The following RBM46 variants were observed in gnomAD, a reference collection of about 807,000 sequenced individuals.
The protein encoded by RBM46 is probable RNA-binding protein 46.
Under a neutral mutation model 43.3 loss-of-function variants are expected in RBM46, and 12 were observed. That is an observed-to-expected ratio of 0.28 (90% CI 0.18 to 0.45). RBM46 has a LOEUF of 0.45. RBM46 is among the 20% of genes least tolerant of loss of function. The probability of loss-of-function intolerance (pLI) is 1.00; values close to 1 mark genes in which losing one functional copy is unlikely to be tolerated. For missense variants in RBM46, 412 were observed against 639.1 expected, an observed-to-expected ratio of 0.64 and a Z score of 3.83; for synonymous variants, 205 against 207.6, an observed-to-expected ratio of 0.99 and a Z score of 0.11.
intron 4 of RBM46, among the ~76,000 whole-genome samples, chr4:154,826,474 GATAA>G (rs1051844899): frequency 4.0e-5 from 6 of 151,854 alleles, no homozygotes; most frequent in Non-Finnish European, 8.8e-5. Context: ...AATAAATAAA[GATAA>G]ATAAATAAAT....
At chr4:154,784,856 A>G (rs975840536) in intron 1 of RBM46, among the ~76,000 whole-genome samples, 2 of 152,226 alleles carry the variant, frequency 1.3e-5, no homozygotes, top group Non-Finnish European at 2.9e-5. Context: ...TTTAATGTAT[A>G]GGACAGATGT....
At chr4:154,820,464 A>C (rs1205828777) in intron 4 of RBM46, 1 of 1,077,162 alleles carries the variant, frequency 9.3e-7, no homozygotes, top group Non-Finnish European at 1.3e-6. Context: ...AATATTAAGT[A>C]ATATATTTAA....
chr4:154,804,836 T>TTA (rs1491083751), intron 4 of RBM46, among the ~76,000 whole-genome samples: 3 of 133,798 alleles, frequency 2.2e-5, no homozygotes, highest in African/African-American at 6.4e-5. Context: ...TTTTTTTTTT[T>TTA]AAACAGGTCT....
intron 1 of RBM46, among the ~76,000 whole-genome samples, chr4:154,790,898 G>A (rs542352771): frequency 1.5e-4 from 23 of 152,142 alleles, no homozygotes; most frequent in South Asian, 8.3e-4. Flanking sequence ...CTTGATATAG[G>A]GTGGGGCAGA....
intron 4 of RBM46, among the ~76,000 whole-genome samples, chr4:154,809,089 A>T (rs1225026047): frequency 1.3e-5 from 2 of 152,008 alleles, no homozygotes; most frequent in East Asian, 3.9e-4. Context: ...AAGTTATTGT[A>T]TTGAAATACA....
intron 4 of RBM46, among the ~76,000 whole-genome samples, chr4:154,826,292 T>C (rs2111226155): frequency 6.6e-6 from 1 of 152,116 alleles, no homozygotes; most frequent in Non-Finnish European, 1.5e-5. Flanking sequence ...ACCCCGTCTC[T>C]ACTAAAAATA....
chr4:154,807,442 C>T (rs1328464300), intron 4 of RBM46, among the ~76,000 whole-genome samples: 2 of 151,576 alleles, frequency 1.3e-5, no homozygotes, highest in Admixed American at 6.6e-5. Flanking sequence ...ATTTAGTAGA[C>T]AATTTTTTAT....
At chr4:154,802,163 CAG>C (rs1232214691) in intron 4 of RBM46, among the ~76,000 whole-genome samples, 4 of 152,116 alleles carry the variant, frequency 2.6e-5, no homozygotes, top group African/African-American at 9.7e-5. Context: ...GACAGTAACA[CAG>C]AAATCCTTAT....
intron 4 of RBM46, among the ~76,000 whole-genome samples, chr4:154,806,532 T>C (rs980048581): frequency 6.6e-6 from 1 of 151,828 alleles, no homozygotes; most frequent in South Asian, 2.1e-4. Flanking sequence ...AGATACATAT[T>C]TGAGTACAAG....
chr4:154,827,082 T>C (rs527766577), intron 4 of RBM46: 459 of 1,124,270 alleles, frequency 4.1e-4, no homozygotes, highest in Non-Finnish European at 4.8e-4. Flanking sequence ...GTCTGTAATA[T>C]ACACACACAC....
At chr4:154,813,135 A>T (rs1237496980) in intron 4 of RBM46, among the ~76,000 whole-genome samples, 1 of 152,158 alleles carries the variant, frequency 6.6e-6, no homozygotes, top group Non-Finnish European at 1.5e-5. Context: ...AAGTTAAAAG[A>T]TAAAGATTAC....
At chr4:154,782,249 C>A (rs2111070673) in intron 1 of RBM46, among the ~76,000 whole-genome samples, 1 of 152,326 alleles carries the variant, frequency 6.6e-6, no homozygotes, top group African/African-American at 2.4e-5. Context: ...GCTGGAAAAA[C>A]CACAGAACCA....
intron 4 of RBM46, among the ~76,000 whole-genome samples, chr4:154,812,307 T>C (rs1247690338): frequency 6.6e-6 from 1 of 152,198 alleles, no homozygotes; most frequent in Non-Finnish European, 1.5e-5. Flanking sequence ...TACAGGCCCA[T>C]GTACCAGACC....
At chr4:154,817,381 G>A (rs1296761177) in intron 4 of RBM46, among the ~76,000 whole-genome samples, 1 of 147,102 alleles carries the variant, frequency 6.8e-6, no homozygotes, top group Non-Finnish European at 1.5e-5. Flanking sequence ...CGCCCAGGCT[G>A]GAGTGCAGTG....
At chr4:154,792,725 G>A (rs767362729) in intron 1 of RBM46, among the ~76,000 whole-genome samples, 12 of 152,160 alleles carry the variant, frequency 7.9e-5, no homozygotes, top group Non-Finnish European at 1.3e-4. Context: ...AGAAAGTAGA[G>A]AAGGACTATA....
chr4:154,799,567 A>G lies in RBM46; in HGVS notation c.1402+3A>G. ...CCAGTTTACATTACTTCATTTGGGT[A>G]AGTTTAAAAATACTTTAAATGATGT... On this transcript the variant is annotated splice_donor_region_variant and intron_variant, in intron 4 of 4. Transcript: ENST00000281722. 3 of 1,513,270 alleles carry G rather than the reference A, an allele frequency of 2.0e-6. No homozygotes were observed. Among genetic ancestry groups the G allele is most frequent in the South Asian group, 1.4e-5 (1 of 73,944 alleles). 93.7% of individuals were successfully genotyped at this position (1,513,270 alleles called of 1,614,324 possible). A position where few individuals can be genotyped will look rare whatever the true frequency, so the allele number is the denominator to read the frequency against.
chr4:154,816,568 G>A (rs1735454730), intron 4 of RBM46, among the ~76,000 whole-genome samples: 1 of 151,628 alleles, frequency 6.6e-6, no homozygotes, highest in African/African-American at 2.4e-5. Flanking sequence ...TAATATATTG[G>A]GTAAAACTAC....
intron 4 of RBM46, among the ~76,000 whole-genome samples, chr4:154,820,816 A>G (rs1735687076): frequency 6.6e-6 from 1 of 151,916 alleles, no homozygotes; most frequent in Non-Finnish European, 1.5e-5. Context: ...AGTTGTATTT[A>G]CTAAGATTTA....
At chr4:154,790,602 G>A (rs549426790) in intron 1 of RBM46, 6 of 152,240 alleles carry the variant, frequency 3.9e-5, no homozygotes, top group African/African-American at 1.4e-4. Flanking sequence ...TTGTATTGAT[G>A]GGTAGATATT....
Sources: gnomAD v4.1 joint callset for allele counts (sites outside exome capture counted in the v4.1 genomes callset) on GRCh38, gnomAD v4.1.1 for gene constraint, MANE v1.5 for transcripts, NCBI Gene and HGNC (gene_info 2026-07-23, HGNC 2026-07-21) for gene names.